The following COL4A4 variants were observed in gnomAD, a reference collection of about 807,000 sequenced individuals.
The protein encoded by COL4A4 is collagen type IV alpha 4 chain.
In COL4A4, 105 loss-of-function variants were observed where a neutral mutation model predicts 192.9. The observed-to-expected ratio is 0.54, with a 90% CI of 0.46 to 0.64. COL4A4 has a LOEUF of 0.64. COL4A4 is among the 30% of genes least tolerant of loss of function. COL4A4 has a pLI of 0.00. For synonymous variants in COL4A4, 762 were observed against 769.9 expected (o/e 0.99, Z 0.17); for missense variants, 1,967 against 2,169.3 (o/e 0.91, Z 1.85).
the COL4A4 span, among the ~76,000 whole-genome samples, chr2:226,975,954 A>G: frequency 6.6e-6 from 1 of 152,020 alleles, no homozygotes; most frequent in African/African-American, 2.4e-5. Context: ...TTCTGTATCT[A>G]GATCTGGGGA....
At chr2:227,041,688 C>CAGAGAG (rs569887036) in intron 37 of COL4A4, among the ~76,000 whole-genome samples, 3 of 100,490 alleles carry the variant, frequency 3.0e-5, no homozygotes, top group Non-Finnish European at 5.9e-5. Flanking sequence ...GAAAGAAAGA[C>CAGAGAG]AGAGAGAGAG....
chr2:226,990,622 A>G, the COL4A4 span, among the ~76,000 whole-genome samples: 3 of 152,176 alleles, frequency 2.0e-5, no homozygotes, highest in African/African-American at 7.2e-5. Context: ...TATCTGGACA[A>G]AATTGCTTCT....
intron 4 of COL4A4, among the ~76,000 whole-genome samples, chr2:227,133,292 G>T (rs2062603265): frequency 6.6e-6 from 1 of 152,206 alleles, no homozygotes; most frequent in East Asian, 1.9e-4. Flanking sequence ...GGATTCCCAG[G>T]GGAGAGTCTT....
chr2:227,120,333 C>A (rs1380074653), intron 5 of COL4A4, among the ~76,000 whole-genome samples: 5 of 152,134 alleles, frequency 3.3e-5, no homozygotes, highest in African/African-American at 1.2e-4. Flanking sequence ...TAGTTTTATT[C>A]ATACTATGGC....
intron 8 of COL4A4, among the ~76,000 whole-genome samples, chr2:227,112,794 T>C (rs776217496): frequency 1.8e-4 from 28 of 152,238 alleles, no homozygotes; most frequent in Non-Finnish European, 3.7e-4. Context: ...TGACTATTTT[T>C]CTATATAAGT....
Position 227,057,603 on chromosome 2 carries a change from GA to G in COL4A4, c.2384-4del. On this transcript the variant is annotated splice_polypyrimidine_tract_variant and splice_region_variant and intron_variant, in intron 28 of 47. Coordinates refer to ENST00000396625, the MANE Select transcript of COL4A4 (RefSeq NM_000092.5). ...GAATCCAGGAATGCCAGCTGGCCCTGAAATGATACAATACATCCATGACATT... is the reference window on the plus strand; with the variant it reads ...GAATCCAGGAATGCCAGCTGGCCCTGAATGATACAATACATCCATGACATT... 6.2e-7 allele frequency: 1 copy of G among 1,614,056 alleles called. No homozygotes were observed. The highest frequency in any genetic ancestry group is 1.1e-5 in the South Asian group (1 of 91,040).
Position 227,121,124 on chromosome 2 carries a change from G to C in COL4A4, c.217C>G (p.Gln73Glu). 6.2e-7 allele frequency: 1 copy of C among 1,614,092 alleles called. No homozygotes were observed. ...GCTCCCAGGGGTCCAATTGGACCCT[G>C]TGGCCCTGGTGGTCCTGGTGGACCC... ...SRGPPGPPGPQGPIGPLGAPG... is the reference protein window; with the variant it reads ...SRGPPGPPGPEGPIGPLGAPG... The change falls in exon 5 of 48, where the codon CAG (glutamine) becomes GAG (glutamate). Residue 73 changes from glutamine to glutamate, a missense_variant. Transcript: ENST00000396625.
intron 32 of COL4A4, 95 bp downstream of exon 32, chr2:227,052,210 T>C: frequency 6.3e-6 from 5 of 793,804 alleles, no homozygotes; most frequent in Non-Finnish European, 8.8e-6. Flanking sequence ...AAAAGTCTTT[T>C]CTAATCTCAG....
intron 12 of COL4A4, among the ~76,000 whole-genome samples, chr2:227,105,307 C>T (rs113421349): frequency 0.018 from 2,659 of 150,858 alleles, 84 homozygotes; most frequent in African/African-American, 0.061. Flanking sequence ...TCTTGTGCCT[C>T]AGCCTCCTGA....
At chr2:227,046,098 T>C (rs1390881892) in intron 35 of COL4A4, among the ~76,000 whole-genome samples, 4 of 80,844 alleles carry the variant, frequency 4.9e-5, no homozygotes, top group Non-Finnish European at 9.7e-5. Flanking sequence ...TATGTACATA[T>C]ATATATATCT....
At chr2:227,059,646 T>G (rs1976392500) in intron 27 of COL4A4, 23 bp from the exon 28 acceptor site, 4 of 1,577,920 alleles carry the variant, frequency 2.5e-6, no homozygotes, top group Admixed American at 1.7e-5. Flanking sequence ...AAAAAAAAAT[T>G]TTTAATGATA....
intron 44 of COL4A4, among the ~76,000 whole-genome samples, chr2:227,013,978 G>T (rs530251292): frequency 6.6e-6 from 1 of 152,244 alleles, no homozygotes; most frequent in African/African-American, 2.4e-5. Flanking sequence ...GTCATGAAAA[G>T]GATGCATGGA....
chr2:227,105,943 C>T (rs913039214), intron 12 of COL4A4, among the ~76,000 whole-genome samples: 5 of 151,954 alleles, frequency 3.3e-5, no homozygotes, highest in African/African-American at 4.8e-5. Context: ...ACATAAAATG[C>T]TTCCCGTATT....
At chr2:227,091,550 T>A (rs886247641) in intron 20 of COL4A4, among the ~76,000 whole-genome samples, 14 of 152,010 alleles carry the variant, frequency 9.2e-5, no homozygotes, top group African/African-American at 3.4e-4. Context: ...TTCTCAGCCT[T>A]TTGGCTAAGA....
At chr2:227,160,374 G>A (rs950693896) in intron 1 of COL4A4, among the ~76,000 whole-genome samples, 4 of 152,306 alleles carry the variant, frequency 2.6e-5, no homozygotes, top group South Asian at 4.1e-4. Context: ...GCATGATCAC[G>A]TGATCCACTT....
rs1446341156 is a variant in COL4A4 at position 227,083,540 on chromosome 2, G to A, written c.1624-1353C>T. On this transcript the variant is annotated intron_variant, in intron 22 of 47. Transcript: ENST00000396625. Reference sequence around the variant, plus strand: ...TAACTCACTGCAGCCTTAAACCTCTGGGCTCAAGCAATCCTCCTACCTCAG... The same window carrying A: ...TAACTCACTGCAGCCTTAAACCTCTAGGCTCAAGCAATCCTCCTACCTCAG... 2.0e-5 allele frequency among the ~76,000 whole-genome samples: 3 copies of A among 152,074 alleles called. No homozygotes were observed. In the East Asian group the frequency reaches 5.8e-4, roughly 29 times the overall value.
At chr2:226,981,328 C>T in the COL4A4 span, among the ~76,000 whole-genome samples, 4 of 151,342 alleles carry the variant, frequency 2.6e-5, no homozygotes, top group Non-Finnish European at 5.9e-5. Flanking sequence ...AACGAGACCA[C>T]ACATTGTGCA....
chr2:227,090,800 A>T (rs1390759708), intron 20 of COL4A4, among the ~76,000 whole-genome samples: 1 of 150,932 alleles, frequency 6.6e-6, no homozygotes, highest in African/African-American at 2.4e-5. Flanking sequence ...AAATAAAAAT[A>T]AGTATAAACC....
chr2:227,139,610 G>C (rs556149514), intron 4 of COL4A4, among the ~76,000 whole-genome samples: 4 of 152,308 alleles, frequency 2.6e-5, no homozygotes, highest in African/African-American at 9.6e-5. Context: ...CTCCTGCACT[G>C]CAAACATGGT....
Sources: gnomAD v4.1 joint callset for allele counts (sites outside exome capture counted in the v4.1 genomes callset) on GRCh38, gnomAD v4.1.1 for gene constraint, MANE v1.5 for transcripts, NCBI Gene and HGNC (gene_info 2026-07-23, HGNC 2026-07-21) for gene names.